Variants in C8orf34 observed in about 807,000 individuals in gnomAD.
C8orf34 encodes the protein chromosome 8 open reading frame 34, also known as uncharacterized protein C8orf34.
C8orf34 carries 65 observed loss-of-function variants against 68.3 expected under a neutral mutation model. The observed-to-expected ratio is 0.95, with a 90% confidence interval of 0.78 to 1.17. The LOEUF (loss-of-function observed/expected upper bound fraction) is 1.17, where lower values mean the gene tolerates loss of function less well. Ranked by LOEUF, C8orf34 falls within the 50% of genes most tolerant of loss-of-function variation. The pLI, the probability that C8orf34 is intolerant of heterozygous loss-of-function variation, is 0.00. For synonymous variants in C8orf34, 244 were observed against 241.2 expected (o/e 1.01, Z -0.11); for missense variants, 664 against 655.4 (o/e 1.01, Z -0.14).
At chr8:68,473,768 C>T (rs923808402) in intron 4 of C8orf34, among the ~76,000 whole-genome samples, 7 of 152,160 alleles carry the variant, frequency 4.6e-5, no homozygotes, top group African/African-American at 1.7e-4. Context: ...ATTATAAAAT[C>T]GCACCTATAC....
chr8:68,788,060 T>A (rs1177941566), intron 12 of C8orf34, among the ~76,000 whole-genome samples: 1 of 152,214 alleles, frequency 6.6e-6, no homozygotes, highest in Non-Finnish European at 1.5e-5. Context: ...TGAATCACTA[T>A]ACTAATGCCA....
intron 3 of C8orf34, among the ~76,000 whole-genome samples, chr8:68,452,934 T>A (rs1218644636): frequency 2.0e-5 from 3 of 151,884 alleles, no homozygotes; most frequent in African/African-American, 7.2e-5. Flanking sequence ...TTTGAGTTAA[T>A]TTTTGCATAT....
intron 1 of C8orf34, among the ~76,000 whole-genome samples, chr8:68,392,241 A>C (rs1296126230): frequency 6.6e-6 from 1 of 151,930 alleles, no homozygotes; most frequent in Non-Finnish European, 1.5e-5. Context: ...GTTTGAATTA[A>C]GAACCTAATT....
intron 10 of C8orf34, among the ~76,000 whole-genome samples, chr8:68,733,377 T>C (rs1711511302): frequency 6.6e-6 from 1 of 152,196 alleles, no homozygotes; most frequent in Non-Finnish European, 1.5e-5. Flanking sequence ...AAATGTAGGC[T>C]GCACTAAGTT....
chr8:68,489,513 T>C (rs1813221298), intron 5 of C8orf34, among the ~76,000 whole-genome samples: 1 of 152,222 alleles, frequency 6.6e-6, no homozygotes, highest in Admixed American at 6.5e-5. Context: ...TTGTGTTTCA[T>C]ATACATTTTA....
At chr8:68,433,587 GC>G (rs1433400945) in intron 1 of C8orf34, among the ~76,000 whole-genome samples, 1 of 152,190 alleles carries the variant, frequency 6.6e-6, no homozygotes, top group Non-Finnish European at 1.5e-5. Context: ...AGAGTGCCAT[GC>G]TGGGTGTGTG....
chr8:68,394,395 A>C (rs1341878483), intron 1 of C8orf34, among the ~76,000 whole-genome samples: 3 of 151,852 alleles, frequency 2.0e-5, no homozygotes, highest in Non-Finnish European at 2.9e-5. Flanking sequence ...AATTTCATCC[A>C]TGTCCCTACA....
chr8:68,796,859 C>G (rs1476164240), intron 12 of C8orf34, among the ~76,000 whole-genome samples: 2 of 130,328 alleles, frequency 1.5e-5, no homozygotes, highest in African/African-American at 5.9e-5. Context: ...CAGTGTCTTG[C>G]TCTGTCGCTG....
Position 68,684,949 on chromosome 8 carries a change from G to A in C8orf34, c.1242-24045G>A, listed in dbSNP as rs533834013. Among the ~76,000 whole-genome samples, 11 of 152,050 alleles carry A rather than the reference G, an allele frequency of 7.2e-5. No homozygotes were observed. The South Asian group carries it at 2.3e-3, about 32-fold the overall frequency. The stretch of plus-strand genomic sequence containing the variant: ...AAGTGATAAGAATTTAGAATAATTA[G>A]TTTTGGTTTATTATAAATTATGTTT... On this transcript the variant is annotated intron_variant, in intron 8 of 13. Coordinates refer to ENST00000518698, the MANE Select transcript of C8orf34 (RefSeq NM_052958.4).
At chr8:68,594,673 C>A (rs1817490848) in intron 7 of C8orf34, among the ~76,000 whole-genome samples, 1 of 152,038 alleles carries the variant, frequency 6.6e-6, no homozygotes, top group Admixed American at 6.6e-5. Context: ...TTCTACTATT[C>A]TACATTTTTC....
At chr8:68,568,888 C>T (rs1013953643) in intron 7 of C8orf34, among the ~76,000 whole-genome samples, 4 of 148,608 alleles carry the variant, frequency 2.7e-5, no homozygotes, top group Admixed American at 6.6e-5. Context: ...GTCTCTCTTG[C>T]GCTGCACAAC....
intron 12 of C8orf34, among the ~76,000 whole-genome samples, chr8:68,814,740 T>C (rs537987112): frequency 1.3e-5 from 2 of 152,270 alleles, no homozygotes; most frequent in South Asian, 2.1e-4. Flanking sequence ...ATAAAATCCA[T>C]GCTTTTTTTC....
intron 10 of C8orf34, among the ~76,000 whole-genome samples, chr8:68,742,513 G>C (rs1328507571): frequency 6.6e-6 from 1 of 152,152 alleles, no homozygotes; most frequent in Non-Finnish European, 1.5e-5. Flanking sequence ...AAATTATCGT[G>C]TTCCAGGTTG....
intron 7 of C8orf34, among the ~76,000 whole-genome samples, chr8:68,588,465 T>C (rs77478213): frequency 0.046 from 7,015 of 152,222 alleles, 538 homozygotes; most frequent in African/African-American, 0.16. Flanking sequence ...ATGTATTGCA[T>C]TTGCATCAGA....
chr8:68,768,141 C>T (rs1158250369), intron 10 of C8orf34, among the ~76,000 whole-genome samples: 1 of 152,172 alleles, frequency 6.6e-6, no homozygotes, highest in Non-Finnish European at 1.5e-5. Flanking sequence ...ATGATCATTG[C>T]TAAGCTCAAA....
At chr8:68,643,209 G>A (rs1047888167) in intron 8 of C8orf34, among the ~76,000 whole-genome samples, 9 of 152,282 alleles carry the variant, frequency 5.9e-5, no homozygotes, top group South Asian at 2.1e-4. Context: ...TTTGTCATAC[G>A]TTGATGTGAT....
intron 8 of C8orf34, among the ~76,000 whole-genome samples, chr8:68,699,238 A>T (rs1820920061): frequency 6.6e-6 from 1 of 151,874 alleles, no homozygotes; most frequent in Non-Finnish European, 1.5e-5. Flanking sequence ...GTTTTTTAAA[A>T]GGTTGGCTCT....
At chr8:68,553,411 C>CAAAAAA (rs1816148853) in intron 7 of C8orf34, among the ~76,000 whole-genome samples, 6 of 113,808 alleles carry the variant, frequency 5.3e-5, no homozygotes, top group South Asian at 3.0e-4. Flanking sequence ...AAAAAAAAAA[C>CAAAAAA]ATATCCTCCA....
At chr8:68,506,802 T>C (rs540812487) in intron 5 of C8orf34, among the ~76,000 whole-genome samples, 130 of 152,330 alleles carry the variant, frequency 8.5e-4, no homozygotes, top group African/African-American at 3.1e-3. Flanking sequence ...AGTTTGTTTT[T>C]CACATTTTGG....
Sources: gnomAD v4.1 joint callset for allele counts (sites outside exome capture counted in the v4.1 genomes callset) on GRCh38, gnomAD v4.1.1 for gene constraint, MANE v1.5 for transcripts, NCBI Gene and HGNC (gene_info 2026-07-23, HGNC 2026-07-21) for gene names.